Variants in DNAH6 observed in about 807,000 individuals in gnomAD.
DNAH6 encodes dynein axonemal heavy chain 6.
In DNAH6, 340 loss-of-function variants were observed where a neutral mutation model predicts 491.4. The ratio of observed to expected loss-of-function variants is 0.69; its 90% CI spans 0.63 to 0.76. The LOEUF (loss-of-function observed/expected upper bound fraction) is 0.76, where lower values mean the gene tolerates loss of function less well. Among genes scored for constraint, DNAH6 ranks in the 30% least tolerant of loss-of-function variants. The pLI is 0.00. For synonymous variants in DNAH6, 1,603 were observed against 1,686.1 expected (o/e 0.95, Z 1.21); for missense variants, 4,443 against 4,972.2 (o/e 0.89, Z 3.20).
At chr2:84,692,145 T>C (rs1469763042) in intron 45 of DNAH6, among the ~76,000 whole-genome samples, 1 of 152,226 alleles carries the variant, frequency 6.6e-6, no homozygotes, top group Non-Finnish European at 1.5e-5. Flanking sequence ...AGATGATGTA[T>C]ATAGTAACTA....
chr2:84,651,082 T>C (rs951452464), intron 33 of DNAH6, among the ~76,000 whole-genome samples: 2 of 152,084 alleles, frequency 1.3e-5, no homozygotes, highest in African/African-American at 4.8e-5. Context: ...TTGTCCTGGA[T>C]AGAAGAGTAG....
chr2:84,794,374 A>G (rs1373053433), intron 68 of DNAH6, among the ~76,000 whole-genome samples: 2 of 151,794 alleles, frequency 1.3e-5, no homozygotes, highest in Non-Finnish European at 3.0e-5. Context: ...AGAAACTACC[A>G]TCAGAGTGAA....
intron 70 of DNAH6, among the ~76,000 whole-genome samples, chr2:84,803,012 T>C (rs1318301904): frequency 6.6e-6 from 1 of 152,024 alleles, no homozygotes; most frequent in African/African-American, 2.4e-5. Context: ...TTGAAACAAA[T>C]GAACATAAGA....
the DNAH6 span, among the ~76,000 whole-genome samples, chr2:84,470,099 G>C: frequency 6.6e-6 from 1 of 152,132 alleles, no homozygotes; most frequent in Non-Finnish European, 1.5e-5. Flanking sequence ...GGTGCATGCA[G>C]ATGATTTTCC....
At position 84,721,347 on chromosome 2, in the gene DNAH6, T is replaced by C. The variant is rs751402285; in HGVS notation, c.9793-1278T>C. On this transcript the variant is annotated intron_variant, in intron 59 of 76. Coordinates refer to ENST00000389394, the MANE Select transcript of DNAH6 (RefSeq NM_001370.2). ...CTCAACTCTGCCCTTTATTTCCCCT[T>C]CAGCTCCCTAAGGGGTTATTACAGG... Among the ~76,000 whole-genome samples, 47 of 152,198 alleles carry C rather than the reference T, an allele frequency of 3.1e-4. 1 individual carries two copies. The highest frequency in any genetic ancestry group is 1.0e-4 in the Non-Finnish European group (7 of 68,022).
intron 63 of DNAH6, among the ~76,000 whole-genome samples, chr2:84,761,654 T>A (rs1191965853): frequency 6.6e-6 from 1 of 152,064 alleles, no homozygotes; most frequent in East Asian, 1.9e-4. Flanking sequence ...CCATAATACA[T>A]CCTCACTTAA....
chr2:84,775,443 T>TC (rs1676028568), intron 64 of DNAH6, among the ~76,000 whole-genome samples: 1 of 152,170 alleles, frequency 6.6e-6, no homozygotes, highest in Non-Finnish European at 1.5e-5. Context: ...CGCATCTATG[T>TC]TCATCATAGA....
chr2:84,810,728 C>G (rs188541334), intron 72 of DNAH6, among the ~76,000 whole-genome samples: 1 of 152,202 alleles, frequency 6.6e-6, no homozygotes, highest in African/African-American at 2.4e-5. Context: ...GGTGAACCCA[C>G]TCTCCTCCAG....
the DNAH6 span, among the ~76,000 whole-genome samples, chr2:84,474,641 T>G: frequency 1.3e-5 from 2 of 152,190 alleles, no homozygotes; most frequent in African/African-American, 2.4e-5. Flanking sequence ...CTTTACCCCA[T>G]AAATTAACAG....
chr2:84,624,280 G>A lies in DNAH6; in HGVS notation c.4087G>A (p.Ala1363Thr). Residue 1363 changes from alanine to threonine, a missense_variant, in exon 27 of 77, where the codon GCT becomes ACT. Around this residue, in one of 3 missense-constraint regions of DNAH6, gnomAD observed 2,977 missense variants for 3,296.6 expected, o/e 0.90. Transcript: ENST00000389394. ...KVNFERLNAL[A>T]AIVQGSLPKL... is the part of the protein sequence containing the mutation. Reference sequence around the variant, plus strand: ...TTATTTGTAGAGATTAAATGCCCTAGCTGCAATAGTTCAAGGCAGTCTTCC... The same window carrying A: ...TTATTTGTAGAGATTAAATGCCCTAACTGCAATAGTTCAAGGCAGTCTTCC... The A allele has an allele frequency of 6.5e-7, 1 of 1,548,464 alleles. No homozygotes were observed. The highest frequency in any genetic ancestry group is 8.7e-7 in the Non-Finnish European group (1 of 1,146,006).
In DNAH6 at chr2:84,713,235, G is replaced by GC. The variant is rs1558947817; in HGVS notation, c.9521dup (p.Asn3175LysfsTer7). On this transcript the variant is annotated frameshift_variant, in exon 57 of 77. Coordinates refer to ENST00000389394, the MANE Select transcript of DNAH6 (RefSeq NM_001370.2). LOFTEE classifies it high-confidence loss of function. ...TTAGGTTCTATATGACAACCAAAATGCCAAATCCCCACTATCTGCCTGAGG... is the reference window on the plus strand; with the variant it reads ...TTAGGTTCTATATGACAACCAAAATGCCCAAATCCCCACTATCTGCCTGAGG... The GC allele has an allele frequency of 6.4e-7, 1 of 1,552,158 alleles. No individual in the cohort carries two copies. The highest frequency in any genetic ancestry group is 1.4e-5 in the African/African-American group (1 of 73,162).
Position 84,579,575 on chromosome 2 carries a change from A to AT in DNAH6, c.2127dup (p.Ile710TyrfsTer3), listed in dbSNP as rs752757754. On this transcript the variant is annotated frameshift_variant, in exon 14 of 77. Transcript: ENST00000389394. LOFTEE classifies it high-confidence loss of function. ...TCAAAGCAAGAAAAAAGTGGATGCC[A>AT]TTATCTTTGAGGCACAAGATGCAGA... The AT allele has an allele frequency of 4.3e-6, 7 of 1,613,916 alleles. No individual in the cohort carries two copies. Among genetic ancestry groups the AT allele is most frequent in the Non-Finnish European group, 5.1e-6 (6 of 1,179,894 alleles).
At chr2:84,716,152 T>C (rs187992787) in intron 58 of DNAH6, among the ~76,000 whole-genome samples, 20 of 149,944 alleles carry the variant, frequency 1.3e-4, no homozygotes, top group African/African-American at 2.4e-5. Context: ...TATATATACA[T>C]ATATATGGGT....
chr2:84,735,474 C>T (rs1699462330), intron 62 of DNAH6, among the ~76,000 whole-genome samples: 2 of 152,204 alleles, frequency 1.3e-5, no homozygotes, highest in South Asian at 4.1e-4. Context: ...TTCTAAACTG[C>T]TTTTCACAGA....
the DNAH6 span, among the ~76,000 whole-genome samples, chr2:84,478,413 A>C: frequency 1.4e-4 from 21 of 152,234 alleles, no homozygotes; most frequent in African/African-American, 4.6e-4. Flanking sequence ...GAGGACAAGG[A>C]ACTTTCTGAA....
chr2:84,619,887 T>C lies in DNAH6; in HGVS notation c.3775T>C (p.Ser1259Pro). ...TACTAATGATATTTTAGCAATGCTG[T>C]CACCAGAGGGAGAAAGGGTGAGGTG... ...VYTNDILAML[S>P]PEGERVSLGK... is the part of the protein sequence containing the mutation. Residue 1259 changes from serine (S) to proline (P), a missense_variant, in exon 24 of 77, where the codon TCA becomes CCA. Physicochemically the swap from Ser to Pro is moderately conservative, Grantham distance 74 (BLOSUM62 -1). Transcript: ENST00000389394. 6.4e-7 allele frequency: 1 copy of C among 1,550,982 alleles called. No homozygotes were observed. The highest frequency in any genetic ancestry group is 1.4e-5 in the African/African-American group (1 of 73,118).
chr2:84,712,968 A>G lies in DNAH6; in HGVS notation c.9379-127A>G, dbSNP rs1697195311. On this transcript the variant is annotated intron_variant, in intron 56 of 76. Transcript: ENST00000389394. Reference sequence around the variant, plus strand: ...AGGTAGTGTGAGGATGTTAATAAATATCCATCAGATCACTGGAAAATTATT... The same window carrying G: ...AGGTAGTGTGAGGATGTTAATAAATGTCCATCAGATCACTGGAAAATTATT... 5 of 761,154 alleles carry G rather than the reference A, an allele frequency of 6.6e-6. No homozygotes were observed. In the South Asian group the frequency reaches 9.8e-5, roughly 15 times the overall value. 47.2% of individuals were successfully genotyped at this position (761,154 alleles called of 1,614,324 possible).
intron 14 of DNAH6, among the ~76,000 whole-genome samples, chr2:84,582,877 A>G (rs563998038): frequency 8.7e-4 from 132 of 152,330 alleles, no homozygotes; most frequent in African/African-American, 3.1e-3. Context: ...GTTTCCACAT[A>G]AAAGTAAATG....
intron 42 of DNAH6, among the ~76,000 whole-genome samples, chr2:84,683,192 T>C (rs1693952896): frequency 6.6e-6 from 1 of 152,188 alleles, no homozygotes; most frequent in Non-Finnish European, 1.5e-5. Context: ...TGTTCATGTA[T>C]CTGTCTCTCC....
Sources: gnomAD v4.1 joint callset for allele counts (sites outside exome capture counted in the v4.1 genomes callset) on GRCh38, gnomAD v4.1.1 for gene constraint, gnomAD v4.1.1 regional missense constraint, MANE v1.5 for transcripts, NCBI Gene and HGNC (gene_info 2026-07-23, HGNC 2026-07-21) for gene names.